The following SBF2 variants were observed in gnomAD, a reference collection of about 807,000 sequenced individuals.
SBF2 encodes SET binding factor 2, also known as myotubularin-related protein 13.
Under a neutral mutation model 225.2 loss-of-function variants are expected in SBF2, and 112 were observed. That is an observed-to-expected ratio of 0.50 (90% confidence interval 0.43 to 0.58). The LOEUF (loss-of-function observed/expected upper bound fraction) is 0.58. Among genes scored for constraint, SBF2 ranks in the 20% least tolerant of loss-of-function variants. The pLI is 0.00. For synonymous variants in SBF2, 763 were observed against 773.3 expected (o/e 0.99, Z 0.22); for missense variants, 1,996 against 2,206.2 (o/e 0.90, Z 1.91).
chr11:9,798,208 G>C (rs923834236), intron 32 of SBF2, among the ~76,000 whole-genome samples: 9 of 152,146 alleles, frequency 5.9e-5, no homozygotes, highest in Admixed American at 3.3e-4. Context: ...AGAAGGCCCT[G>C]GGTTTGACTC....
intron 25 of SBF2, among the ~76,000 whole-genome samples, chr11:9,840,912 CT>C (rs543927465): frequency 1.6e-3 from 213 of 135,312 alleles, no homozygotes; most frequent in Middle Eastern, 3.6e-3. Flanking sequence ...TTTAGGGAGG[CT>C]TTTTTTTTTT....
chr11:9,783,785 G>A (rs1448821787), intron 38 of SBF2, among the ~76,000 whole-genome samples: 2 of 152,166 alleles, frequency 1.3e-5, no homozygotes, highest in Non-Finnish European at 2.9e-5. Flanking sequence ...CCGCTTTTGG[G>A]GCCCCTTTAC....
intron 2 of SBF2, among the ~76,000 whole-genome samples, chr11:10,137,787 A>G (rs1311987090): frequency 6.6e-6 from 1 of 152,092 alleles, no homozygotes; most frequent in Non-Finnish European, 1.5e-5. Flanking sequence ...TGGGTGGATC[A>G]CCTGTGGTCC....
At chr11:10,114,488 T>C (rs1324482459) in intron 2 of SBF2, among the ~76,000 whole-genome samples, 1 of 152,214 alleles carries the variant, frequency 6.6e-6, no homozygotes, top group Non-Finnish European at 1.5e-5. Context: ...TATATCTACA[T>C]GCTGTTTTCT....
At chr11:9,827,254 G>T (rs1027912417) in intron 28 of SBF2, among the ~76,000 whole-genome samples, 5 of 152,180 alleles carry the variant, frequency 3.3e-5, no homozygotes, top group Non-Finnish European at 7.3e-5. Context: ...CTGGGGCCAG[G>T]TGCTTTCTCA....
chr11:9,905,594 G>C (rs1041802513), intron 16 of SBF2, among the ~76,000 whole-genome samples: 35 of 152,234 alleles, frequency 2.3e-4, no homozygotes, highest in Non-Finnish European at 4.4e-4. Context: ...TAAATTCATG[G>C]CTGAATAAGA....
chr11:9,896,662 G>A (rs529784119), intron 16 of SBF2, among the ~76,000 whole-genome samples: 24 of 151,900 alleles, frequency 1.6e-4, no homozygotes, highest in Non-Finnish European at 2.8e-4. Context: ...GGTGGCGGGC[G>A]CCTGTAATCC....
intron 1 of SBF2, among the ~76,000 whole-genome samples, chr11:10,283,945 A>G (rs145435544): frequency 1.3e-5 from 2 of 152,344 alleles, no homozygotes; most frequent in East Asian, 1.9e-4. Context: ...ACTAAGTTAA[A>G]ATGAAACACT....
intron 17 of SBF2, among the ~76,000 whole-genome samples, chr11:9,886,964 T>C (rs532211558): frequency 2.0e-5 from 3 of 152,286 alleles, no homozygotes; most frequent in African/African-American, 7.2e-5. Flanking sequence ...TTTTGACTTG[T>C]TGGCTTTTGT....
chr11:10,190,056 CAGG>C (rs1431154023), intron 2 of SBF2, among the ~76,000 whole-genome samples: 1 of 151,676 alleles, frequency 6.6e-6, no homozygotes, highest in African/African-American at 2.4e-5. Context: ...GAGGCTGAGG[CAGG>C]AGGACTGCTT....
Position 9,842,637 on chromosome 11 carries a change from C to T in SBF2, c.3244G>A (p.Asp1082Asn). 6.2e-7 allele frequency: 1 copy of T among 1,614,048 alleles called. No homozygotes were observed. The highest frequency in any genetic ancestry group is 1.1e-5 in the South Asian group (1 of 91,084). ...RVNRPGWNEDDDVSVSDESEL... is the reference protein window; with the variant it reads ...RVNRPGWNEDNDVSVSDESEL... ...AGTTTTCACATACCAGATACATCAT[C>T]ATCTTCATTCCATCCAGGACGATTT... The change falls in exon 25 of 40, where the codon GAT becomes AAT. Residue 1082 changes from aspartate to asparagine, a missense_variant. Coordinates refer to ENST00000256190, the MANE Select transcript of SBF2 (RefSeq NM_030962.4).
intron 16 of SBF2, among the ~76,000 whole-genome samples, chr11:9,940,964 C>T (rs1199426541): frequency 6.6e-6 from 1 of 151,990 alleles, no homozygotes; most frequent in Non-Finnish European, 1.5e-5. Flanking sequence ...GAAATAATTA[C>T]CAAAATGAAC....
At chr11:10,145,909 T>C (rs1954863117) in intron 2 of SBF2, among the ~76,000 whole-genome samples, 1 of 152,060 alleles carries the variant, frequency 6.6e-6, no homozygotes, top group South Asian at 2.1e-4. Context: ...CAAACACCAC[T>C]AGCATTCCCA....
intron 2 of SBF2, among the ~76,000 whole-genome samples, chr11:10,183,617 T>G (rs2135294939): frequency 6.6e-6 from 1 of 152,338 alleles, no homozygotes; most frequent in East Asian, 1.9e-4. Context: ...AGGCTCATTT[T>G]TTTCCTAAAT....
intron 16 of SBF2, among the ~76,000 whole-genome samples, chr11:9,940,209 C>G (rs1236650092): frequency 1.3e-5 from 2 of 152,122 alleles, no homozygotes; most frequent in Non-Finnish European, 2.9e-5. Context: ...CGAGACCATC[C>G]TGGCTAACAC....
In SBF2 at chr11:9,989,352, T is replaced by C. The variant is rs1450987975; in HGVS notation, c.1395+145A>G. 7 of 600,202 alleles carry C rather than the reference T, an allele frequency of 1.2e-5. No individual in the cohort carries two copies. In the East Asian group the frequency reaches 1.7e-4, roughly 15 times the overall value. 37.2% of individuals were successfully genotyped at this position (600,202 alleles called of 1,614,324 possible). ...ACAAATATGGTGCAGTATATACTGC[T>C]TGGGTGATGAGTGCACCAAAATCTC... is the stretch of plus-strand genomic sequence containing the variant. On this transcript the variant is annotated intron_variant, in intron 13 of 39. Transcript: ENST00000256190.
At chr11:10,020,071 G>A (rs1948791153) in intron 6 of SBF2, among the ~76,000 whole-genome samples, 1 of 152,054 alleles carries the variant, frequency 6.6e-6, no homozygotes, top group African/African-American at 2.4e-5. Flanking sequence ...CGACCATCAG[G>A]TGATGGTCAG....
intron 2 of SBF2, among the ~76,000 whole-genome samples, chr11:10,052,004 C>G (rs1046473151): frequency 1.3e-5 from 2 of 151,974 alleles, no homozygotes; most frequent in African/African-American, 4.8e-5. Flanking sequence ...ATTCTTGAAC[C>G]TGGGTTTAAG....
intron 24 of SBF2, among the ~76,000 whole-genome samples, chr11:9,845,197 C>T (rs943781362): frequency 2.6e-5 from 4 of 152,088 alleles, no homozygotes; most frequent in African/African-American, 9.7e-5. Context: ...AATATAGCCT[C>T]CTGTTTCTAG....
Sources: gnomAD v4.1 joint callset for allele counts (sites outside exome capture counted in the v4.1 genomes callset) on GRCh38, gnomAD v4.1.1 for gene constraint, MANE v1.5 for transcripts, NCBI Gene and HGNC (gene_info 2026-07-23, HGNC 2026-07-21) for gene names.